LYZL2: variants seen among roughly 807,000 people sequenced by gnomAD.
LYZL2 encodes lysozyme like 2, also known as lysozyme-like protein 2.
Under a neutral mutation model 17.1 loss-of-function variants are expected in LYZL2, and 13 were observed. The ratio of observed to expected loss-of-function variants is 0.76; its 90% CI spans 0.49 to 1.21. LYZL2 has a LOEUF of 1.21. LYZL2 is among the 50% of genes most tolerant of loss of function. LYZL2 has a pLI of 0.00. For missense variants in LYZL2, 166 were observed against 189.2 expected (o/e 0.88, Z 0.72); for synonymous variants, 63 against 74.4 (o/e 0.85, Z 0.79).
chr10:30,610,227 T>C (rs1406025397), downstream of LYZL2, among the ~76,000 whole-genome samples: 1 of 152,208 alleles, frequency 6.6e-6, no homozygotes, highest in African/African-American at 2.4e-5. Flanking sequence ...AAAGCTTGAT[T>C]TAAGTAGAAG....
chr10:30,619,823 A>G (rs2132943788), intron 3 of LYZL2, among the ~76,000 whole-genome samples: 1 of 152,322 alleles, frequency 6.6e-6, no homozygotes, highest in South Asian at 2.1e-4. Context: ...AACTTAAAGT[A>G]CAATAATAAA....
intron 1 of LYZL2, among the ~76,000 whole-genome samples, chr10:30,627,601 T>A (rs1476802828): frequency 6.6e-6 from 1 of 152,220 alleles, no homozygotes; most frequent in African/African-American, 2.4e-5. Context: ...TCTAGCTTAC[T>A]TTATTGTAAG....
At chr10:30,614,639 A>G (rs1266990001) in intron 3 of LYZL2, among the ~76,000 whole-genome samples, 3 of 152,196 alleles carry the variant, frequency 2.0e-5, no homozygotes, top group African/African-American at 7.2e-5. Context: ...TCAATTATGC[A>G]AAGATTTTTT....
chr10:30,614,127 A>G (rs941235733), intron 3 of LYZL2, among the ~76,000 whole-genome samples: 2 of 152,344 alleles, frequency 1.3e-5, no homozygotes, highest in East Asian at 1.9e-4. Context: ...CAACACAAAC[A>G]TGACAGAAAA....
At chr10:30,620,954 G>A (rs1367319628) in intron 3 of LYZL2, among the ~76,000 whole-genome samples, 3 of 151,916 alleles carry the variant, frequency 2.0e-5, no homozygotes, top group African/African-American at 7.3e-5. Context: ...AAAAAACGAG[G>A]AACCTCAATG....
intron 1 of LYZL2, among the ~76,000 whole-genome samples, chr10:30,628,254 G>A (rs1421337104): frequency 2.0e-5 from 3 of 152,142 alleles, no homozygotes; most frequent in African/African-American, 7.2e-5. Context: ...TTCAAAATGT[G>A]GGAGCATTGC....
intron 3 of LYZL2, among the ~76,000 whole-genome samples, chr10:30,615,708 G>A (rs1203550673): frequency 6.6e-6 from 1 of 151,960 alleles, no homozygotes; most frequent in Non-Finnish European, 1.5e-5. Context: ...ATAAAGCTGG[G>A]AAAAATATAA....
chr10:30,607,114 A>C (rs76499233), downstream of LYZL2, among the ~76,000 whole-genome samples: 1 of 151,484 alleles, frequency 6.6e-6, no homozygotes, highest in South Asian at 2.1e-4. Context: ...GTTTCACCAT[A>C]TTGGCCAGGC....
rs1428053547 is a variant in LYZL2, at chr10:30,611,831, A to C, written c.*124T>G. 1 of 1,535,380 alleles carries C rather than the reference A, an allele frequency of 6.5e-7. No homozygotes were observed. The highest frequency in any genetic ancestry group is 1.2e-5 in the South Asian group (1 of 81,992). ...ATTTATTTTCTTAAAAGTATAGCTTAATTTTCCCTCTCCAAGTTTGAGAAG... is the reference window on the plus strand; with the variant it reads ...ATTTATTTTCTTAAAAGTATAGCTTCATTTTCCCTCTCCAAGTTTGAGAAG... On this transcript the variant is annotated 3_prime_UTR_variant, in exon 5 of 5. Transcript: ENST00000647634.
intron 3 of LYZL2, among the ~76,000 whole-genome samples, chr10:30,619,335 C>T (rs1838583700): frequency 1.3e-5 from 2 of 152,044 alleles, no homozygotes; most frequent in African/African-American, 4.8e-5. Context: ...GGGTATATAC[C>T]CAAAGGATTA....
chr10:30,611,583 GAAAGAAAGAAAGAA>G (rs1564405910), downstream of LYZL2, among the ~76,000 whole-genome samples: 3 of 114,350 alleles, frequency 2.6e-5, no homozygotes, highest in South Asian at 3.3e-4. Flanking sequence ...AAGAAAGAAA[GAAAGAAAGAAAGAA>G]AGAAAGAAAG....
chr10:30,621,723 A>C (rs1838622678), intron 3 of LYZL2, among the ~76,000 whole-genome samples: 1 of 152,204 alleles, frequency 6.6e-6, no homozygotes, highest in African/African-American at 2.4e-5. Flanking sequence ...ATAGACCTCT[A>C]CTCTAAAACA....
chr10:30,626,647 G>A lies in LYZL2; in HGVS notation c.139+130C>T, dbSNP rs1838711581. On this transcript the variant is annotated intron_variant, in intron 2 of 4. Coordinates refer to ENST00000647634, the MANE Select transcript of LYZL2 (RefSeq NM_183058.3). The stretch of plus-strand genomic sequence containing the variant: ...CCAGAGAGCCACAGTTAGGCCAGCA[G>A]CCACCCCTGGGTGTGGTGAGGGCAG... 2.0e-5 allele frequency: 27 copies of A among 1,376,278 alleles called. No individual in the cohort carries two copies. In the South Asian group the frequency reaches 3.7e-4, roughly 19 times the overall value. 85.3% of individuals were successfully genotyped at this position (1,376,278 alleles called of 1,614,324 possible). A position where few individuals can be genotyped will look rare whatever the true frequency, so the allele number is the denominator to read the frequency against.
downstream of LYZL2, among the ~76,000 whole-genome samples, chr10:30,609,963 C>T (rs189553243): frequency 1.2e-4 from 18 of 152,192 alleles, no homozygotes; most frequent in African/African-American, 4.1e-4. Context: ...GGTAGCACAC[C>T]CAGTGCCCTT....
chr10:30,607,595 G>A (rs1313409606), downstream of LYZL2, among the ~76,000 whole-genome samples: 3 of 152,102 alleles, frequency 2.0e-5, no homozygotes, highest in Admixed American at 6.6e-5. Context: ...TTGTGGAATC[G>A]GATGAGAGAC....
At chr10:30,626,027 A>G in intron 3 of LYZL2, 78 bp downstream of exon 3, 1 of 1,547,186 alleles carries the variant, frequency 6.5e-7, no homozygotes, top group Non-Finnish European at 8.7e-7. Flanking sequence ...TAGTTAAAGC[A>G]AGACATGGTT....
At chr10:30,617,239 G>A (rs1046004347) in intron 3 of LYZL2, among the ~76,000 whole-genome samples, 1 of 152,130 alleles carries the variant, frequency 6.6e-6, no homozygotes, top group Non-Finnish European at 1.5e-5. Context: ...TGTTCTGTAA[G>A]GATTCCTGAA....
chr10:30,625,560 A>C (rs1271035105), intron 3 of LYZL2, among the ~76,000 whole-genome samples: 3 of 152,172 alleles, frequency 2.0e-5, no homozygotes, highest in Admixed American at 6.5e-5. Flanking sequence ...ATAGCTGGGC[A>C]TATGCCTGTA....
At chr10:30,606,785 G>A (rs117170055), downstream of LYZL2, among the ~76,000 whole-genome samples, 1,092 of 152,156 alleles carry the variant, frequency 7.2e-3, 5 homozygotes, top group Non-Finnish European at 9.2e-3. Flanking sequence ...AGGGACAGAG[G>A]ACCTGGAGCT....
Sources: allele counts gnomAD v4.1 joint callset (sites outside exome capture counted in the v4.1 genomes callset), GRCh38; gene constraint gnomAD v4.1.1; transcripts MANE v1.5; gene names NCBI Gene and HGNC (gene_info 2026-07-23, HGNC 2026-07-21).